FBXO3: variants seen among roughly 807,000 people sequenced by gnomAD.
FBXO3 encodes the protein F-box only protein 3.
Under a neutral mutation model 64.8 loss-of-function variants are expected in FBXO3, and 17 were observed. The observed-to-expected ratio is 0.26, with a 90% CI of 0.18 to 0.39. The LOEUF (loss-of-function observed/expected upper bound fraction) is 0.39. FBXO3 is among the 10% of genes least tolerant of loss of function. The pLI is 1.00. For synonymous variants in FBXO3, 182 were observed against 201.6 expected, an observed-to-expected ratio of 0.90 and a Z score of 0.82; for missense variants, 420 against 589.9, an observed-to-expected ratio of 0.71 and a Z score of 2.98.
In FBXO3 at chr11:33,743,199, G is replaced by C. The variant is rs1854729992; in HGVS notation, c.1240-1115C>G. 6.6e-6 allele frequency: 1 copy of C among 152,226 alleles called. No individual in the cohort carries two copies. The highest frequency in any genetic ancestry group is 2.4e-5 in the African/African-American group (1 of 41,446). 9.4% of individuals were successfully genotyped at this position (152,226 alleles called of 1,614,324 possible). ...CTTTTTCTAACTCAGAAATCACAGTGTCACTTTGCCGATTCGTTATAAGTA... is the reference window on the plus strand; with the variant it reads ...CTTTTTCTAACTCAGAAATCACAGTCTCACTTTGCCGATTCGTTATAAGTA... On this transcript the variant is annotated intron_variant, in intron 10 of 10. Transcript: ENST00000265651. The surrounding 1 kb of genome is among the most constrained non-coding windows in gnomAD (Gnocchi z 4.6).
chr11:33,746,627 G>T, intron 10 of FBXO3: 1 of 754,420 alleles, frequency 1.3e-6, no homozygotes, highest in Non-Finnish European at 2.3e-6. Flanking sequence ...TAAGGTTGGA[G>T]TTACTGTTAC....
chr11:33,774,412 T>C lies in FBXO3; in HGVS notation c.86A>G (p.Asp29Gly). 1 of 1,605,902 alleles carries C rather than the reference T, an allele frequency of 6.2e-7. No individual in the cohort carries two copies. Among genetic ancestry groups the C allele is most frequent in the Non-Finnish European group, 8.5e-7 (1 of 1,176,426 alleles). ...DPLLLILSFL[D>G]YRDLINCCYV... ...CCATTACTTGATTAGATCCCGATAGTCCAAAAAGGATAAGATGAGGAGCAG... is the reference window on the plus strand; with the variant it reads ...CCATTACTTGATTAGATCCCGATAGCCCAAAAAGGATAAGATGAGGAGCAG... Residue 29 changes from aspartate (D) to glycine (G), a missense_variant, in exon 1 of 11, where the codon GAC becomes GGC. By Grantham distance (94) the Asp-to-Gly change is moderately conservative. Transcript: ENST00000265651.
chr11:33,771,134 A>T (rs1338219118), intron 1 of FBXO3: 1 of 214,620 alleles, frequency 4.7e-6, no homozygotes, highest in East Asian at 9.9e-5. Context: ...GAGTTGTCCT[A>T]TGCTTATTAT....
At chr11:33,774,078 TC>T in intron 1 of FBXO3, 1 of 291,598 alleles carries the variant, frequency 3.4e-6, no homozygotes, top group Admixed American at 5.3e-5. Context: ...CCAGCGGGGG[TC>T]CGCGGAGCGC....
intron 10 of FBXO3, chr11:33,745,568 A>T (rs1854794318): frequency 6.6e-6 from 1 of 152,158 alleles, no homozygotes; most frequent in South Asian, 2.1e-4. Flanking sequence ...AAATTAACAC[A>T]TTTCTAGAAA....
chr11:33,749,209 G>C (rs367716008), intron 8 of FBXO3, among the ~76,000 whole-genome samples: 10 of 152,160 alleles, frequency 6.6e-5, no homozygotes, highest in African/African-American at 2.4e-4. Context: ...AGATCAATTT[G>C]GCAAATGCTT....
chr11:33,747,436 G>C (rs1564986132), intron 9 of FBXO3, 116 bp from the exon 10 acceptor site: 2 of 747,952 alleles, frequency 2.7e-6, no homozygotes, highest in African/African-American at 1.9e-5. Context: ...TGCACAGTTA[G>C]AAAAAAAAAT....
Position 33,741,987 on chromosome 11 carries a change from T to A in FBXO3, c.1337A>T (p.Asp446Val), listed in dbSNP as rs749161864. The A allele has an allele frequency of 1.2e-6, 2 of 1,612,944 alleles. No individual in the cohort carries two copies. The highest frequency in any genetic ancestry group is 1.7e-6 in the Non-Finnish European group (2 of 1,179,046). The change falls in exon 11 of 11, where the codon GAT (aspartate) becomes GTT (valine). Residue 446 changes from aspartate to valine, a missense_variant. Physicochemically the swap from Asp to Val is radical, Grantham distance 152. Transcript: ENST00000265651. ...CCGTCTCTCCTCTTCATCATCTTCA[T>A]CTGATTCATCCATATCTGCTGAATC... The part of the protein sequence containing the change: ...DDDSADMDES[D>V]EDDEEERRRR...
At chr11:33,750,691 A>G (rs759284422) in intron 7 of FBXO3, 30 bp from the exon 8 acceptor site, 4 of 1,592,392 alleles carry the variant, frequency 2.5e-6, no homozygotes, top group South Asian at 2.2e-5. Context: ...AACATTTTAA[A>G]ATCAACTACA....
chr11:33,766,204 T>C (rs1370395676), intron 3 of FBXO3, among the ~76,000 whole-genome samples: 1 of 152,250 alleles, frequency 6.6e-6, no homozygotes, highest in East Asian at 1.9e-4. Flanking sequence ...AAGGAAACAG[T>C]GAAAAAGTTA....
At chr11:33,774,049 C>G (rs1473079991) in intron 1 of FBXO3, 2 of 287,398 alleles carry the variant, frequency 7.0e-6, no homozygotes, top group Non-Finnish European at 1.3e-5. Context: ...TGACCCCAAC[C>G]GGGCGGGCAC....
chr11:33,761,343 C>T (rs895800758), intron 3 of FBXO3, among the ~76,000 whole-genome samples: 24 of 152,020 alleles, frequency 1.6e-4, no homozygotes, highest in African/African-American at 5.3e-4. Flanking sequence ...AAATTATATA[C>T]AAGACACATC....
Position 33,741,705 on chromosome 11 carries a change from C to A in FBXO3, c.*203G>T, listed in dbSNP as rs953924772. 7.4e-5 allele frequency: 30 copies of A among 406,180 alleles called. No individual in the cohort carries two copies. The highest frequency in any genetic ancestry group is 1.4e-4 in the African/African-American group (7 of 48,622). The allele number at this position is 406,180 out of a possible 1,614,324, so 25.2% of individuals were successfully genotyped here. On this transcript the variant is annotated 3_prime_UTR_variant, in exon 11 of 11. Transcript: ENST00000265651. ...TCCTGGAAGAGAAAAAAAAGATTCC[C>A]ATTTCTTCCTCTACCTCAAAAACAC...
intron 3 of FBXO3, among the ~76,000 whole-genome samples, chr11:33,764,698 G>C (rs1384452749): frequency 6.6e-6 from 1 of 152,144 alleles, no homozygotes; most frequent in Admixed American, 6.5e-5. Flanking sequence ...AAGGTGCTGG[G>C]TGCGGTGGCT....
intron 10 of FBXO3, chr11:33,746,664 G>A (rs571592225): frequency 3.4e-5 from 38 of 1,103,462 alleles, no homozygotes; most frequent in East Asian, 5.2e-5. Context: ...CCCTAAAAAC[G>A]AGATTTTAAA....
intron 4 of FBXO3, among the ~76,000 whole-genome samples, chr11:33,756,742 ATTTC>A (rs887816253): frequency 2.6e-5 from 4 of 151,848 alleles, no homozygotes; most frequent in Admixed American, 2.6e-4. Flanking sequence ...CTAGTATTTG[ATTTC>A]TTTCTTTTTT....
Position 33,743,582 on chromosome 11 carries a change from T to G in FBXO3, c.1240-1498A>C, listed in dbSNP as rs1486377145. On this transcript the variant is annotated intron_variant, in intron 10 of 10. Coordinates refer to ENST00000265651, the MANE Select transcript of FBXO3 (RefSeq NM_012175.4). The surrounding 1 kb of genome is among the most constrained non-coding windows in gnomAD (Gnocchi z 4.6). ...ACGTGATCCACCACCCCATTAACAC[T>G]CTGATCTAATCTCCAGCCCCTCTCC... is the stretch of plus-strand genomic sequence containing the variant. 2 of 152,328 alleles carry G rather than the reference T, an allele frequency of 1.3e-5. No homozygotes were observed. Among genetic ancestry groups the G allele is most frequent in the African/African-American group, 4.8e-5 (2 of 41,452 alleles). 9.4% of individuals were successfully genotyped at this position (152,328 alleles called of 1,614,324 possible).
At chr11:33,774,074 G>A (rs1221804967) in intron 1 of FBXO3, 1 of 299,910 alleles carries the variant, frequency 3.3e-6, no homozygotes, top group East Asian at 1.2e-4. Flanking sequence ...GGGGCCAGCG[G>A]GGGTCCGCGG....
Position 33,747,281 on chromosome 11 carries a change from T to C in FBXO3, c.1088A>G (p.Tyr363Cys). 6.2e-7 allele frequency: 1 copy of C among 1,613,638 alleles called. No individual in the cohort carries two copies. The highest frequency in any genetic ancestry group is 8.5e-7 in the Non-Finnish European group (1 of 1,179,900). ...PIISPGRVYE[Y>C]TSCTTFSTTS... ...TGTAGAGAATGTGGTACAGCTTGTG[T>C]ATTCATATACCCGACCTGGGCTGAT... Residue 363 changes from tyrosine (Y) to cysteine (C), a missense_variant, in exon 10 of 11, where the codon TAC becomes TGC. This residue lies in a region of FBXO3 where 337 missense variants were observed against 518.4 expected (regional missense o/e 0.65). Coordinates refer to ENST00000265651, the MANE Select transcript of FBXO3 (RefSeq NM_012175.4).
Sources: allele counts gnomAD v4.1 joint callset (sites outside exome capture counted in the v4.1 genomes callset), GRCh38; gene constraint gnomAD v4.1.1; regional missense constraint gnomAD v4.1.1; non-coding constraint Gnocchi (gnomAD v3.1); transcripts MANE v1.5; gene names NCBI Gene and HGNC (gene_info 2026-07-23, HGNC 2026-07-21).